Variants in TNFRSF21 observed in about 807,000 individuals in gnomAD.
TNFRSF21 encodes the protein tumor necrosis factor receptor superfamily member 21.
A neutral mutation model predicts 45.6 loss-of-function variants in TNFRSF21; 19 were observed. The observed-to-expected ratio is 0.42, with a 90% CI of 0.29 to 0.61. The LOEUF (loss-of-function observed/expected upper bound fraction) is 0.61, where lower values mean the gene tolerates loss of function less well. TNFRSF21 is among the 20% of genes least tolerant of loss of function. TNFRSF21 has a pLI of 0.23. For synonymous variants in TNFRSF21, 314 were observed against 335.5 expected (o/e 0.94, Z 0.70); for missense variants, 737 against 851.5 (o/e 0.87, Z 1.67).
Position 47,234,724 on chromosome 6 carries a change from A to T in TNFRSF21, c.1684T>A (p.Ser562Thr), listed in dbSNP as rs1326168089. The change falls in exon 5 of 6, where the codon TCT becomes ACT. Residue 562 changes from serine to threonine, a missense_variant. Ser to Thr is a moderately conservative substitution (Grantham distance 58, BLOSUM62 1). Transcript: ENST00000296861. ...DESEPLLRCD[S>T]TSSGSSALSR... is the part of the protein sequence containing the mutation. Reference sequence around the variant, plus strand: ...AGCGCGGAGGAGCCGCTGGATGTAGAGTCACAGCGGAGAAGGGGCTCCGAC... The same window carrying T: ...AGCGCGGAGGAGCCGCTGGATGTAGTGTCACAGCGGAGAAGGGGCTCCGAC... 1 of 1,612,140 alleles carries T rather than the reference A, an allele frequency of 6.2e-7. No individual in the cohort carries two copies. The highest frequency in any genetic ancestry group is 8.5e-7 in the Non-Finnish European group (1 of 1,179,282).
At chr6:47,292,956 C>T (rs1347946094) in intron 1 of TNFRSF21, among the ~76,000 whole-genome samples, 1 of 152,192 alleles carries the variant, frequency 6.6e-6, no homozygotes, top group Admixed American at 6.5e-5. Context: ...TCTAACACTG[C>T]ATCACTAAAA....
chr6:47,279,502 C>T (rs1454370367), intron 3 of TNFRSF21, among the ~76,000 whole-genome samples: 3 of 152,110 alleles, frequency 2.0e-5, no homozygotes, highest in Non-Finnish European at 2.9e-5. Context: ...GGATTAAATT[C>T]TACTATCTTT....
chr6:47,282,713 T>A (rs909212694), intron 3 of TNFRSF21, among the ~76,000 whole-genome samples: 19 of 152,176 alleles, frequency 1.2e-4, no homozygotes, highest in Non-Finnish European at 2.9e-5. Context: ...TTAATGAGAG[T>A]TGGGATTATA....
chr6:47,299,609 T>C (rs1255499503), intron 1 of TNFRSF21, among the ~76,000 whole-genome samples: 7 of 152,200 alleles, frequency 4.6e-5, no homozygotes, highest in Admixed American at 4.6e-4. Context: ...GTGGCTAACA[T>C]AACTCCTTCT....
intron 3 of TNFRSF21, among the ~76,000 whole-genome samples, chr6:47,283,035 A>G (rs575526544): frequency 6.6e-6 from 1 of 152,296 alleles, no homozygotes; most frequent in African/African-American, 2.4e-5. Flanking sequence ...TATTTGTAAG[A>G]CCCCAAAAAG....
intron 3 of TNFRSF21, among the ~76,000 whole-genome samples, chr6:47,281,832 T>A (rs1338781004): frequency 9.3e-6 from 1 of 107,560 alleles, no homozygotes; most frequent in Non-Finnish European, 2.4e-5. Context: ...AATAAAAAGA[T>A]TTTTTTTTTT....
intron 3 of TNFRSF21, among the ~76,000 whole-genome samples, chr6:47,263,707 A>G (rs1762282380): frequency 1.3e-5 from 2 of 152,252 alleles, no homozygotes; most frequent in Non-Finnish European, 2.9e-5. Flanking sequence ...GTCACACTCT[A>G]TGGAAAAAAG....
intron 4 of TNFRSF21, among the ~76,000 whole-genome samples, chr6:47,241,865 C>T (rs1764750386): frequency 6.6e-6 from 1 of 152,106 alleles, no homozygotes. Flanking sequence ...TCTTCTTCTC[C>T]TGCACAGCCC....
intron 1 of TNFRSF21, among the ~76,000 whole-genome samples, chr6:47,300,270 CAT>C (rs1023146321): frequency 6.6e-5 from 10 of 152,212 alleles, no homozygotes; most frequent in Admixed American, 6.5e-4. Flanking sequence ...ATCAGACCAC[CAT>C]AGACTGCTCA....
chr6:47,291,639 T>TG (rs1475260310), intron 1 of TNFRSF21, among the ~76,000 whole-genome samples: 1 of 152,188 alleles, frequency 6.6e-6, no homozygotes, highest in Admixed American at 6.5e-5. Flanking sequence ...CAGGGAGGGA[T>TG]GGGAGGTAGG....
At position 47,253,325 on chromosome 6, in the gene TNFRSF21, G is replaced by T; in HGVS notation, c.1440C>A (p.Ser480Arg). ...GPEASLAQLI[S>R]ALRQHRRNDV... is the part of the protein sequence containing the mutation. ...CGTTTCTCCGGTGCTGGCGCAGGGC[G>T]CTAATTAGCTGGGCGAGGCTGGCCT... The change falls in exon 4 of 6, where the codon AGC (serine) becomes AGA (arginine). Residue 480 changes from serine (S) to arginine (R), a missense_variant. Physicochemically the swap from Ser to Arg is moderately radical, Grantham distance 110 (BLOSUM62 -1). Coordinates refer to ENST00000296861, the MANE Select transcript of TNFRSF21 (RefSeq NM_014452.5). The T allele has an allele frequency of 6.2e-7, 1 of 1,613,884 alleles. No homozygotes were observed.
chr6:47,258,410 T>C (rs916256562), intron 3 of TNFRSF21, among the ~76,000 whole-genome samples: 1 of 151,566 alleles, frequency 6.6e-6, no homozygotes, highest in Admixed American at 6.6e-5. Context: ...TTTTTTTTTT[T>C]TTTTGGTCAC....
chr6:47,269,192 CACAA>C (rs943258730), intron 3 of TNFRSF21, among the ~76,000 whole-genome samples: 2 of 151,780 alleles, frequency 1.3e-5, no homozygotes, highest in Admixed American at 6.6e-5. Context: ...GTGACTTACA[CACAA>C]ACACACACAC....
At chr6:47,304,234 GC>G (rs1251025516) in intron 1 of TNFRSF21, among the ~76,000 whole-genome samples, 1 of 149,866 alleles carries the variant, frequency 6.7e-6, no homozygotes, top group Non-Finnish European at 1.5e-5. Flanking sequence ...ATTCATACCA[GC>G]CCCTGAATAG....
At chr6:47,301,657 G>A (rs1480382032) in intron 1 of TNFRSF21, among the ~76,000 whole-genome samples, 1 of 152,062 alleles carries the variant, frequency 6.6e-6, no homozygotes, top group Non-Finnish European at 1.5e-5. Context: ...GTTGCTTAAA[G>A]AGCCTAGCAC....
At chr6:47,249,822 C>A (rs191510534) in intron 4 of TNFRSF21, among the ~76,000 whole-genome samples, 79 of 152,136 alleles carry the variant, frequency 5.2e-4, no homozygotes, top group African/African-American at 1.8e-3. Flanking sequence ...GTGTTGTAAT[C>A]CCTTGGGTAT....
intron 3 of TNFRSF21, among the ~76,000 whole-genome samples, chr6:47,272,344 A>G (rs1051562585): frequency 6.6e-6 from 1 of 152,348 alleles, no homozygotes; most frequent in Middle Eastern, 3.4e-3. Flanking sequence ...TTAAATTAGA[A>G]CTCAGGATTA....
intron 4 of TNFRSF21, among the ~76,000 whole-genome samples, chr6:47,238,848 G>A (rs774364783): frequency 4.6e-5 from 7 of 152,152 alleles, no homozygotes; most frequent in Non-Finnish European, 7.4e-5. Context: ...GATTTAACTT[G>A]TATCTGGATT....
At chr6:47,251,934 T>C (rs889750551) in intron 4 of TNFRSF21, among the ~76,000 whole-genome samples, 2 of 152,178 alleles carry the variant, frequency 1.3e-5, no homozygotes, top group Non-Finnish European at 2.9e-5. Context: ...TAATAAGTAT[T>C]TTTTTCTGAA....
Sources: gnomAD v4.1 joint callset for allele counts (sites outside exome capture counted in the v4.1 genomes callset) on GRCh38, gnomAD v4.1.1 for gene constraint, MANE v1.5 for transcripts, NCBI Gene and HGNC (gene_info 2026-07-23, HGNC 2026-07-21) for gene names.